RBFOX1: variants seen among roughly 807,000 people sequenced by gnomAD.
RBFOX1 encodes RNA binding fox-1 homolog 1, also known as RNA binding protein fox-1 homolog 1.
In RBFOX1, 8 loss-of-function variants were observed where a neutral mutation model predicts 57.7. The ratio of observed to expected loss-of-function variants is 0.14; its 90% CI spans 0.08 to 0.25. The LOEUF is 0.25. Among genes scored for constraint, RBFOX1 ranks in the 10% least tolerant of loss-of-function variants. The pLI, the probability that RBFOX1 is intolerant of heterozygous loss-of-function variation, is 1.00. For synonymous variants in RBFOX1, 326 were observed against 222.4 expected (o/e 1.47, Z -4.15); for missense variants, 611 against 548.5 (o/e 1.11, Z -1.14).
intron 4 of RBFOX1, among the ~76,000 whole-genome samples, chr16:7,303,975 G>A (rs66897759): frequency 1.3e-5 from 2 of 151,860 alleles, no homozygotes; most frequent in Non-Finnish European, 2.9e-5. Flanking sequence ...AGGGGTATGG[G>A]GTGGGGGGCC....
At chr16:6,650,719 T>C (rs1054890752) in intron 2 of RBFOX1, among the ~76,000 whole-genome samples, 1 of 152,208 alleles carries the variant, frequency 6.6e-6, no homozygotes, top group African/African-American at 2.4e-5. Flanking sequence ...CTCTTTTTGT[T>C]CCACTCTGGA....
chr16:5,875,521 T>A (rs2057583675), intron 4 of RBFOX1, among the ~76,000 whole-genome samples: 1 of 152,232 alleles, frequency 6.6e-6, no homozygotes, highest in Admixed American at 6.5e-5. Context: ...TACTGTAGCT[T>A]ACAGAAGGCA....
At chr16:7,143,796 T>C (rs1284054556) in intron 4 of RBFOX1, among the ~76,000 whole-genome samples, 6 of 152,230 alleles carry the variant, frequency 3.9e-5, no homozygotes, top group Non-Finnish European at 2.9e-5. Context: ...CTGTGCTTAC[T>C]GTGTATACTG....
intron 1 of RBFOX1, among the ~76,000 whole-genome samples, chr16:5,415,493 T>C (rs771752984): frequency 3.9e-5 from 6 of 152,166 alleles, no homozygotes; most frequent in Non-Finnish European, 8.8e-5. Flanking sequence ...GCCTTAGACC[T>C]GGGTTGCAAA....
intron 4 of RBFOX1, among the ~76,000 whole-genome samples, chr16:7,224,042 C>A (rs999038697): frequency 7.1e-6 from 1 of 141,794 alleles, no homozygotes; most frequent in Admixed American, 7.7e-5. Context: ...GTATTTATGA[C>A]CTTTGGGATG....
intron 4 of RBFOX1, among the ~76,000 whole-genome samples, chr16:7,318,232 T>C (rs537569187): frequency 6.6e-6 from 1 of 151,654 alleles, no homozygotes; most frequent in African/African-American, 2.4e-5. Context: ...GCCATGGTAA[T>C]GGAGTTGGGA....
At chr16:6,634,346 C>T (rs12927034) in intron 2 of RBFOX1, among the ~76,000 whole-genome samples, 1 of 151,976 alleles carries the variant, frequency 6.6e-6, no homozygotes, top group Non-Finnish European at 1.5e-5. Context: ...TGTCCCAGAT[C>T]CAACAACTGT....
chr16:6,624,161 T>A (rs576462300), intron 2 of RBFOX1, among the ~76,000 whole-genome samples: 11 of 152,100 alleles, frequency 7.2e-5, no homozygotes, highest in Non-Finnish European at 1.5e-4. Flanking sequence ...GAACACAGAC[T>A]TGGATATGAG....
Position 6,974,748 on chromosome 16 carries a change from C to G in RBFOX1, c.-15-77309C>G, listed in dbSNP as rs190886579. Among the ~76,000 whole-genome samples, 286 of 152,244 alleles carry G rather than the reference C, an allele frequency of 1.9e-3. 1 individual carries two copies. Among genetic ancestry groups the G allele is most frequent in the Non-Finnish European group, 3.5e-3 (236 of 68,020 alleles). On this transcript the variant is annotated intron_variant, in intron 3 of 15. Transcript: ENST00000550418. ...TTTTTCTTATCTCTTAACTGAAACT[C>G]ACCAGAGGCAGGCACCAGAAAACCC...
chr16:6,101,460 T>G (rs564427519), intron 1 of RBFOX1, among the ~76,000 whole-genome samples: 3 of 152,230 alleles, frequency 2.0e-5, no homozygotes, highest in Admixed American at 2.0e-4. Flanking sequence ...TTGTATCTTC[T>G]ACTTTTTAAA....
chr16:7,534,086 C>CTTTTCTT (rs1555561495), intron 5 of RBFOX1, among the ~76,000 whole-genome samples: 4,471 of 129,818 alleles, frequency 0.034, 111 homozygotes, highest in East Asian at 0.12. Flanking sequence ...CGTTTTTTTT[C>CTTTTCTT]TTTTTTTTTT....
chr16:6,908,916 A>T (rs1394302376), intron 3 of RBFOX1, among the ~76,000 whole-genome samples: 1 of 152,148 alleles, frequency 6.6e-6, no homozygotes, highest in African/African-American at 2.4e-5. Context: ...TCATGACTGC[A>T]GCTGCTAGGA....
intron 1 of RBFOX1, among the ~76,000 whole-genome samples, chr16:6,185,426 A>G (rs1166903203): frequency 6.6e-6 from 1 of 152,194 alleles, no homozygotes; most frequent in Admixed American, 6.5e-5. Flanking sequence ...CCATTTTACA[A>G]TGAAGAAACC....
chr16:6,262,416 C>T (rs1296439691), intron 1 of RBFOX1, among the ~76,000 whole-genome samples: 2 of 151,940 alleles, frequency 1.3e-5, no homozygotes, highest in African/African-American at 4.8e-5. Context: ...GTGTGCCCTG[C>T]TGAAGAATTG....
intron 4 of RBFOX1, among the ~76,000 whole-genome samples, chr16:7,283,360 A>T (rs573779488): frequency 3.3e-4 from 50 of 152,084 alleles, no homozygotes; most frequent in Non-Finnish European, 5.9e-4. Context: ...CAGGGAGAAG[A>T]TCTCATTGAA....
chr16:5,936,474 G>A (rs1019702553), intron 4 of RBFOX1, among the ~76,000 whole-genome samples: 1 of 152,158 alleles, frequency 6.6e-6, no homozygotes, highest in African/African-American at 2.4e-5. Flanking sequence ...CAGTGAGACT[G>A]GAAGGAGTCC....
At chr16:7,603,143 G>C (rs977138670) in intron 9 of RBFOX1, among the ~76,000 whole-genome samples, 3 of 152,046 alleles carry the variant, frequency 2.0e-5, no homozygotes, top group African/African-American at 4.8e-5. Flanking sequence ...TAAGCAACCG[G>C]GACAACAGTC....
chr16:6,304,219 C>T (rs543534096), intron 1 of RBFOX1, among the ~76,000 whole-genome samples: 45 of 151,736 alleles, frequency 3.0e-4, no homozygotes, highest in Middle Eastern at 3.4e-3. Context: ...ACCCAAGAGG[C>T]GGAGATTGCA....
At chr16:5,554,226 C>A (rs1359455677) in intron 2 of RBFOX1, among the ~76,000 whole-genome samples, 1 of 152,094 alleles carries the variant, frequency 6.6e-6, no homozygotes, top group African/African-American at 2.4e-5. Flanking sequence ...CCACGTTGAT[C>A]TCCGGAAGTG....
Sources: allele counts gnomAD v4.1 joint callset (sites outside exome capture counted in the v4.1 genomes callset), GRCh38; gene constraint gnomAD v4.1.1; transcripts MANE v1.5; gene names NCBI Gene and HGNC (gene_info 2026-07-23, HGNC 2026-07-21).